The following MICALL2 variants were observed in gnomAD, a reference collection of about 807,000 sequenced individuals.
MICALL2 encodes the protein MICAL-like protein 2.
Under a neutral mutation model 91.1 loss-of-function variants are expected in MICALL2, and 111 were observed. The ratio of observed to expected loss-of-function variants is 1.22; its 90% confidence interval spans 1.04 to 1.43. The LOEUF (loss-of-function observed/expected upper bound fraction) is 1.43, where lower values mean the gene tolerates loss of function less well. Among genes scored for constraint, MICALL2 ranks in the 40% most tolerant of loss-of-function variants. MICALL2 has a pLI of 0.00. For missense variants in MICALL2, 1,556 were observed against 1,236.0 expected (o/e 1.26, Z -3.88); for synonymous variants, 694 against 525.3 (o/e 1.32, Z -4.39).
intron 1 of MICALL2, 98 bp downstream of exon 1, chr7:1,459,086 G>C (rs1781119373): frequency 2.3e-6 from 3 of 1,290,484 alleles, no homozygotes; most frequent in Admixed American, 2.2e-5. Context: ...CCCACGCCTC[G>C]GCTCCCCATC....
At position 1,459,336 on chromosome 7, in the gene MICALL2, G is replaced by T; in HGVS notation, c.-10C>A. ...CCCTGATGGCCGCCATGTGGGCGGC[G>T]CGCCCGCCGCGCGGCGGAACCGCCC... On this transcript the variant is annotated 5_prime_UTR_variant, in exon 1 of 17. Coordinates refer to ENST00000297508, the MANE Select transcript of MICALL2 (RefSeq NM_182924.4). 6.6e-7 allele frequency: 1 copy of T among 1,510,866 alleles called. No individual in the cohort carries two copies. Among genetic ancestry groups the T allele is most frequent in the Non-Finnish European group, 8.8e-7 (1 of 1,131,928 alleles). 93.6% of individuals were successfully genotyped at this position (1,510,866 alleles called of 1,614,324 possible).
chr7:1,436,551 C>CCAAAAAAA (rs1455061319), intron 15 of MICALL2, among the ~76,000 whole-genome samples, 191 bp downstream of exon 15: 1 of 74,486 alleles, frequency 1.3e-5, no homozygotes, highest in African/African-American at 4.9e-5. Flanking sequence ...GACTCTGTCT[C>CCAAAAAAA]AAAAAAAAAA....
chr7:1,438,181 G>A lies in MICALL2; in HGVS notation c.2227C>T (p.Gln743Ter), dbSNP rs1400653900. 3.8e-6 allele frequency: 6 copies of A among 1,574,250 alleles called. No individual in the cohort carries two copies. The highest frequency in any genetic ancestry group is 2.3e-5 in the East Asian group (1 of 43,010). ...AGCCGCCTCTCGATGTCCTGCAGCT[G>A]CCTCTGTATCTCCTCCGGGGAGAGG... Reference protein sequence around the residue: ...DYLSPEEIQRQLQDIERRLDA... With the variant: ...DYLSPEEIQR The change falls in exon 12 of 17, where the codon CAG (glutamine) becomes TAG (stop). Residue 743 changes from glutamine (Q) to a stop codon, truncating the protein, a stop_gained. Coordinates refer to ENST00000297508, the MANE Select transcript of MICALL2 (RefSeq NM_182924.4). LOFTEE classifies it high-confidence loss of function.
At chr7:1,438,768 C>G in intron 10 of MICALL2, 72 bp downstream of exon 10, 1 of 1,528,660 alleles carries the variant, frequency 6.5e-7, no homozygotes, top group Non-Finnish European at 8.8e-7. Flanking sequence ...AAAGCCCCAG[C>G]AGGCATTGCC....
At position 1,442,251 on chromosome 7, in the gene MICALL2, C is replaced by G; in HGVS notation, c.1652G>C (p.Gly551Ala). 1 of 1,612,858 alleles carries G rather than the reference C, an allele frequency of 6.2e-7. No individual in the cohort carries two copies. The highest frequency in any genetic ancestry group is 8.5e-7 in the Non-Finnish European group (1 of 1,179,930). ...ESSGVGRVGA[G>A]SRPKPEAPMA... ...CGGGGCCTCTGGCTTCGGCCTGGAG[C>G]CAGCACCCACCCTGCCGACCCCTGA... The change falls in exon 7 of 17, where the codon GGC becomes GCC. Residue 551 changes from glycine (G) to alanine (A), a missense_variant. Physicochemically the swap from Gly to Ala is moderately conservative, Grantham distance 60 (BLOSUM62 0). Coordinates refer to ENST00000297508, the MANE Select transcript of MICALL2 (RefSeq NM_182924.4).
intron 6 of MICALL2, among the ~76,000 whole-genome samples, chr7:1,443,524 G>A (rs949354919): frequency 3.9e-5 from 6 of 152,220 alleles, no homozygotes; most frequent in Non-Finnish European, 7.3e-5. Context: ...CTCAGAGTGT[G>A]ACCTTATCTG....
rs757483253 is a variant in MICALL2, at chr7:1,459,350, G to A, written c.-24C>T. 85 of 1,494,426 alleles carry A rather than the reference G, an allele frequency of 5.7e-5. No individual in the cohort carries two copies. Among genetic ancestry groups the A allele is most frequent in the Non-Finnish European group, 6.9e-5 (78 of 1,122,552 alleles). The allele number at this position is 1,494,426 out of a possible 1,614,324, so 92.6% of individuals were successfully genotyped here. The stretch of plus-strand genomic sequence containing the variant: ...ATGTGGGCGGCGCGCCCGCCGCGCG[G>A]CGGAACCGCCCTCCGACACCTTCCC... On this transcript the variant is annotated 5_prime_UTR_variant, in exon 1 of 17. Coordinates refer to ENST00000297508, the MANE Select transcript of MICALL2 (RefSeq NM_182924.4).
At chr7:1,448,985 GGC>G (rs1780718657) in intron 2 of MICALL2, among the ~76,000 whole-genome samples, 1 of 152,256 alleles carries the variant, frequency 6.6e-6, no homozygotes, top group African/African-American at 2.4e-5. Context: ...CAGGCCGGTG[GGC>G]GCTCAAGGCC....
rs1781118786 is a variant in MICALL2 at position 1,459,065 on chromosome 7, G to T, written c.143+119C>A. Reference sequence around the variant, plus strand: ...CTCGGGGGGCTGCACGGTGGGCTGTGCCTGCCCAGTCCCACGCCTCGGCTC... The same window carrying T: ...CTCGGGGGGCTGCACGGTGGGCTGTTCCTGCCCAGTCCCACGCCTCGGCTC... On this transcript the variant is annotated intron_variant, in intron 1 of 16. Transcript: ENST00000297508. 4.8e-6 allele frequency: 5 copies of T among 1,040,022 alleles called. No homozygotes were observed. The South Asian group carries it at 6.4e-5, about 13-fold the overall frequency. 64.4% of individuals were successfully genotyped at this position (1,040,022 alleles called of 1,614,324 possible).
Position 1,434,664 on chromosome 7 carries a change from T to C in MICALL2, c.2647A>G (p.Arg883Gly), listed in dbSNP as rs1779876486. ...RDMIEKLGLQRKKSKFRLSKI... is the reference protein window; with the variant it reads ...RDMIEKLGLQGKKSKFRLSKI... Reference sequence around the variant, plus strand: ...GACAAGCGGAACTTGGACTTCTTCCTCTGGAGGCCTAGGGGACAGGTGGAC... The same window carrying C: ...GACAAGCGGAACTTGGACTTCTTCCCCTGGAGGCCTAGGGGACAGGTGGAC... The change falls in exon 17 of 17, where the codon AGG becomes GGG. Residue 883 changes from arginine to glycine, a missense_variant. By Grantham distance (125) the Arg-to-Gly change is moderately radical (BLOSUM62 -2). Coordinates refer to ENST00000297508, the MANE Select transcript of MICALL2 (RefSeq NM_182924.4). 2 of 1,561,210 alleles carry C rather than the reference T, an allele frequency of 1.3e-6. No individual in the cohort carries two copies. The highest frequency in any genetic ancestry group is 1.7e-6 in the Non-Finnish European group (2 of 1,157,478).
At position 1,452,671 on chromosome 7, in the gene MICALL2, C is replaced by A. The variant is rs60684181; in HGVS notation, c.144-2383G>T. ...GTTTCCCTGCAGGGCCATCTCACCC[C>A]CAGACCCACAGTCAGGCTCTCAGAG... On this transcript the variant is annotated intron_variant, in intron 1 of 16. Coordinates refer to ENST00000297508, the MANE Select transcript of MICALL2 (RefSeq NM_182924.4). The surrounding 1 kb of genome is among the most constrained non-coding windows in gnomAD (Gnocchi z 6.2). 0.017 allele frequency among the ~76,000 whole-genome samples: 2,532 copies of A among 152,278 alleles called. 65 individuals carry two copies. Among genetic ancestry groups the A allele is most frequent in the African/African-American group, 0.058 (2,403 of 41,548 alleles).
At position 1,446,776 on chromosome 7, in the gene MICALL2, T is replaced by C; in HGVS notation, c.578A>G (p.Lys193Arg). The C allele has an allele frequency of 1.9e-6, 3 of 1,608,356 alleles. No individual in the cohort carries two copies. Among genetic ancestry groups the C allele is most frequent in the East Asian group, 2.2e-5 (1 of 44,784 alleles). The change falls in exon 5 of 17, where the codon AAG becomes AGG. Residue 193 changes from lysine to arginine, a missense_variant. Physicochemically the swap from Lys to Arg is conservative, Grantham distance 26. Transcript: ENST00000297508. ...GTGCCGCTGTACCAGGTGCACGTGC[T>C]TGCCGCAGACCCCGCAGGTGCTGCT... The part of the protein sequence containing the change: ...LVSSTCGVCG[K>R]HVHLVQRHLA...
chr7:1,447,528 C>G lies in MICALL2; in HGVS notation c.525+47G>C, dbSNP rs1392943507. The G allele has an allele frequency of 1.2e-5, 13 of 1,048,252 alleles. No homozygotes were observed. In the Admixed American group the frequency reaches 2.5e-4, roughly 20 times the overall value. 64.9% of individuals were successfully genotyped at this position (1,048,252 alleles called of 1,614,324 possible). A position where few individuals can be genotyped will look rare whatever the true frequency, so the allele number is the denominator to read the frequency against. ...TCCCACAAGCCCCTTCTGCACCCCC[C>G]GGTGGAAAACCCAGAGAACCAGGGG... On this transcript the variant is annotated intron_variant, in intron 4 of 16. Transcript: ENST00000297508.
chr7:1,443,198 G>A (rs542189197), intron 6 of MICALL2, among the ~76,000 whole-genome samples: 21 of 75,010 alleles, frequency 2.8e-4, no homozygotes, highest in Admixed American at 1.5e-3. Context: ...CATGCCCCCC[G>A]CCCCACCACC....
chr7:1,446,803 A>G lies in MICALL2; in HGVS notation c.551T>C (p.Val184Ala). The G allele has an allele frequency of 6.2e-7, 1 of 1,601,228 alleles. No homozygotes were observed. ...GCCGCAGACCCCGCAGGTGCTGCTG[A>G]CCAAGCTGCCCGCCAATGCCTGGTC... is the stretch of plus-strand genomic sequence containing the variant. Reference protein sequence around the residue: ...KTDQALAGSLVSSTCGVCGKH... With the variant: ...KTDQALAGSLASSTCGVCGKH... Residue 184 changes from valine to alanine, a missense_variant, in exon 5 of 17, where the codon GTC becomes GCC. Val to Ala is a moderately conservative substitution (Grantham distance 64). Coordinates refer to ENST00000297508, the MANE Select transcript of MICALL2 (RefSeq NM_182924.4).
chr7:1,436,579 A>T (rs952765687), intron 15 of MICALL2, among the ~76,000 whole-genome samples, 163 bp downstream of exon 15: 5 of 148,714 alleles, frequency 3.4e-5, no homozygotes, highest in Admixed American at 6.7e-5. Flanking sequence ...AGACTTCAAA[A>T]AGTCCCCGAT....
rs373556917 is a variant in MICALL2, at chr7:1,456,405, G to A, written c.143+2779C>T. On this transcript the variant is annotated intron_variant, in intron 1 of 16. Transcript: ENST00000297508. ...GTTACACACCAGCCTGGCCAACATG[G>A]CAAAACCCCGTCTCTAGAAAAAATA... Among the ~76,000 whole-genome samples the A allele has an allele frequency of 8.5e-5, 13 of 152,170 alleles. No homozygotes were observed. In the East Asian group the frequency reaches 2.5e-3, roughly 29 times the overall value.
rs775595777 is a variant in MICALL2, at chr7:1,444,731, T to C, written c.1339A>G (p.Ser447Gly). ...AAGTTCCGCGCCTGCTCCTTGCTGC[T>C]GTCCTTGGATAGAACAAGTGACGGG... is the stretch of plus-strand genomic sequence containing the variant. The part of the protein sequence containing the change: ...PTPSLVLSKD[S>G]SKEQARNFLK... Residue 447 changes from serine (S) to glycine (G), a missense_variant, in exon 6 of 17, where the codon AGC (serine) becomes GGC (glycine). By Grantham distance (56) the Ser-to-Gly change is moderately conservative. Coordinates refer to ENST00000297508, the MANE Select transcript of MICALL2 (RefSeq NM_182924.4). 2 of 1,612,400 alleles carry C rather than the reference T, an allele frequency of 1.2e-6. No individual in the cohort carries two copies. Among genetic ancestry groups the C allele is most frequent in the African/African-American group, 1.3e-5 (1 of 74,952 alleles).
intron 1 of MICALL2, among the ~76,000 whole-genome samples, chr7:1,456,837 A>C (rs1781037506): frequency 6.6e-6 from 1 of 151,536 alleles, no homozygotes; most frequent in Non-Finnish European, 1.5e-5. Context: ...TGCACACCCG[A>C]CCCCCATGAC....
Sources: allele counts gnomAD v4.1 joint callset (sites outside exome capture counted in the v4.1 genomes callset), GRCh38; gene constraint gnomAD v4.1.1; non-coding constraint Gnocchi (gnomAD v3.1); transcripts MANE v1.5; gene names NCBI Gene and HGNC (gene_info 2026-07-23, HGNC 2026-07-21).